The following TM2D1 variants were observed in gnomAD, a reference collection of about 807,000 sequenced individuals.
TM2D1 encodes TM2 domain containing 1, also known as TM2 domain-containing protein 1.
TM2D1 carries 15 observed loss-of-function variants against 28.4 expected under a neutral mutation model. The ratio of observed to expected loss-of-function variants is 0.53; its 90% confidence interval spans 0.35 to 0.81. TM2D1 has a LOEUF of 0.81. Among genes scored for constraint, TM2D1 ranks in the 40% least tolerant of loss-of-function variants. The pLI, the probability that TM2D1 is intolerant of heterozygous loss-of-function variation, is 0.01. For synonymous variants in TM2D1, 93 were observed against 96.2 expected (o/e 0.97, Z 0.20); for missense variants, 236 against 254.9 (o/e 0.93, Z 0.50).
At chr1:61,705,097 TGGGAA>T (rs1270601294) in intron 3 of TM2D1, among the ~76,000 whole-genome samples, 1 of 152,176 alleles carries the variant, frequency 6.6e-6, no homozygotes, top group African/African-American at 2.4e-5. Context: ...AAAGCTTGGC[TGGGAA>T]GGGAAATGAA....
At position 61,710,497 on chromosome 1, in the gene TM2D1, CACACAT is replaced by C. The variant is rs1250480191; in HGVS notation, c.239-1066_239-1061del. 3.4e-3 allele frequency among the ~76,000 whole-genome samples: 259 copies of C among 75,138 alleles called. 1 individual carries two copies. Among genetic ancestry groups the C allele is most frequent in the East Asian group, 0.018 (50 of 2,730 alleles). 49.3% of individuals were successfully genotyped at this position (75,138 alleles called of 152,430 possible). On this transcript the variant is annotated intron_variant, in intron 2 of 6. Coordinates refer to ENST00000606498, the MANE Select transcript of TM2D1 (RefSeq NM_032027.3). Reference sequence around the variant, plus strand: ...ATATACACACACACACACACATATACACACATACACACACACACACACACACACACA... The same window carrying C: ...ATATACACACACACACACACATATACACACACACACACACACACACACACA...
At chr1:61,722,690 T>A (rs72674608) in intron 2 of TM2D1, among the ~76,000 whole-genome samples, 27,026 of 152,234 alleles carry the variant, frequency 0.18, 3,012 homozygotes, top group Non-Finnish European at 0.25. Flanking sequence ...TTGTAAGTAA[T>A]CCTTTCCTTT....
chr1:61,697,453 C>T (rs1296482542), intron 4 of TM2D1: 2 of 152,140 alleles, frequency 1.3e-5, no homozygotes, highest in Non-Finnish European at 2.9e-5. Context: ...GATCCTCCTG[C>T]CTTGGCCTCC....
intron 3 of TM2D1, among the ~76,000 whole-genome samples, chr1:61,701,937 T>C (rs1158973031): frequency 1.3e-5 from 2 of 152,136 alleles, no homozygotes; most frequent in Non-Finnish European, 2.9e-5. Flanking sequence ...ACGCCTGTAA[T>C]CCTAGCACTT....
intron 2 of TM2D1, among the ~76,000 whole-genome samples, chr1:61,712,389 T>C (rs56902597): frequency 0.019 from 2,929 of 152,304 alleles, 112 homozygotes; most frequent in African/African-American, 0.064. Context: ...ATTTAAATGG[T>C]TGGAAAAAAT....
chr1:61,702,900 G>A (rs906993251), intron 3 of TM2D1, among the ~76,000 whole-genome samples: 6 of 151,356 alleles, frequency 4.0e-5, no homozygotes, highest in African/African-American at 1.5e-4. Flanking sequence ...GAGGCCAGGA[G>A]TTTGAGACCA....
intron 4 of TM2D1, among the ~76,000 whole-genome samples, chr1:61,696,514 G>A (rs1570103764): frequency 6.7e-6 from 1 of 149,558 alleles, no homozygotes; most frequent in South Asian, 2.1e-4. Flanking sequence ...ACTCCAGCCG[G>A]GGCAACAAAG....
chr1:61,723,653 T>G lies in TM2D1; in HGVS notation c.238+60A>C, dbSNP rs1469144627. 3.4e-6 allele frequency: 3 copies of G among 889,360 alleles called. No individual in the cohort carries two copies. The East Asian group carries it at 8.2e-5, about 24-fold the overall frequency. 55.1% of individuals were successfully genotyped at this position (889,360 alleles called of 1,614,324 possible). ...ATTAATTGCCTTTAGTGATCATACA[T>G]TGACCTATGAAATAATGTTTTTAAA... On this transcript the variant is annotated intron_variant, in intron 2 of 6. Transcript: ENST00000606498.
At chr1:61,713,917 C>G (rs1046251913) in intron 2 of TM2D1, among the ~76,000 whole-genome samples, 2 of 120,040 alleles carry the variant, frequency 1.7e-5, no homozygotes, top group African/African-American at 3.2e-5. Context: ...GAGACGGAGT[C>G]TCGCTCTGTC....
intron 5 of TM2D1, among the ~76,000 whole-genome samples, chr1:61,685,002 T>G (rs1644273291): frequency 6.6e-6 from 1 of 152,222 alleles, no homozygotes; most frequent in South Asian, 2.1e-4. Flanking sequence ...CAGGCTGGTC[T>G]CAAACTCCTA....
intron 3 of TM2D1, among the ~76,000 whole-genome samples, chr1:61,704,938 C>T (rs543723101): frequency 6.6e-6 from 1 of 152,102 alleles, no homozygotes; most frequent in South Asian, 2.1e-4. Flanking sequence ...AGGGAATAGC[C>T]AAATGCTGCA....
intron 1 of TM2D1, 132 bp downstream of exon 1, chr1:61,724,825 C>T: frequency 2.0e-6 from 2 of 1,020,696 alleles, no homozygotes; most frequent in Non-Finnish European, 2.7e-6. Flanking sequence ...AGGGATCCTT[C>T]AGTCATTAGA....
intron 2 of TM2D1, among the ~76,000 whole-genome samples, chr1:61,719,411 G>C (rs1363132306): frequency 3.6e-5 from 5 of 137,248 alleles, no homozygotes; most frequent in Non-Finnish European, 6.0e-5. Context: ...TATATACACA[G>C]AGAGAGAGAG....
rs183595309 is a variant in TM2D1, at chr1:61,715,326, T to A, written c.239-5889A>T. Among the ~76,000 whole-genome samples, 804 of 152,174 alleles carry A rather than the reference T, an allele frequency of 5.3e-3. 5 individuals carry two copies. Among genetic ancestry groups the A allele is most frequent in the Non-Finnish European group, 7.1e-3 (484 of 67,992 alleles). On this transcript the variant is annotated intron_variant, in intron 2 of 6. Coordinates refer to ENST00000606498, the MANE Select transcript of TM2D1 (RefSeq NM_032027.3). ...AAACCTCTCTGAATCGTGTTTCCAA[T>A]CTGTGACATGGGACATATCTTTTAT...
chr1:61,705,864 T>C (rs1447161124), intron 3 of TM2D1, among the ~76,000 whole-genome samples: 1 of 152,156 alleles, frequency 6.6e-6, no homozygotes, highest in African/African-American at 2.4e-5. Context: ...CAATCAGACA[T>C]GGTTACCAGA....
rs1570107490 is a variant in TM2D1 at position 61,699,865 on chromosome 1, T to C, written c.439+1069A>G. 1.3e-5 allele frequency: 3 copies of C among 230,088 alleles called. No individual in the cohort carries two copies. In the East Asian group the frequency reaches 2.7e-4, roughly 21 times the overall value. 14.3% of individuals were successfully genotyped at this position (230,088 alleles called of 1,614,324 possible). A position where few individuals can be genotyped will look rare whatever the true frequency, so the allele number is the denominator to read the frequency against. On this transcript the variant is annotated intron_variant, in intron 4 of 6. Coordinates refer to ENST00000606498, the MANE Select transcript of TM2D1 (RefSeq NM_032027.3). ...CTAAACAAGTATATATAGTACTTCA[T>C]GACTTTTACTTAGGAACTTACAACA...
intron 3 of TM2D1, among the ~76,000 whole-genome samples, chr1:61,706,163 T>G (rs535349490): frequency 5.9e-5 from 9 of 152,252 alleles, no homozygotes; most frequent in African/African-American, 1.9e-4. Flanking sequence ...AAATTACCCA[T>G]CAGTCTAACT....
chr1:61,709,195 G>T lies in TM2D1; in HGVS notation c.347+134C>A, dbSNP rs1644460421. 4.9e-6 allele frequency: 3 copies of T among 610,954 alleles called. No individual in the cohort carries two copies. In the Admixed American group the frequency reaches 9.5e-5, roughly 19 times the overall value. The allele number at this position is 610,954 out of a possible 1,614,324, so 37.8% of individuals were successfully genotyped here. On this transcript the variant is annotated intron_variant, in intron 3 of 6. Coordinates refer to ENST00000606498, the MANE Select transcript of TM2D1 (RefSeq NM_032027.3). Reference sequence around the variant, plus strand: ...CCAAAAAACAAACACTTAAAATAAAGGTTTTCTGACACAAGCAAAAAGATA... The same window carrying T: ...CCAAAAAACAAACACTTAAAATAAATGTTTTCTGACACAAGCAAAAAGATA...
At chr1:61,715,190 CA>C (rs1342593515) in intron 2 of TM2D1, among the ~76,000 whole-genome samples, 1 of 152,072 alleles carries the variant, frequency 6.6e-6, no homozygotes, top group Non-Finnish European at 1.5e-5. Flanking sequence ...GAGAGAAACT[CA>C]GAATGATTTA....
Sources: allele counts gnomAD v4.1 joint callset (sites outside exome capture counted in the v4.1 genomes callset), GRCh38; gene constraint gnomAD v4.1.1; transcripts MANE v1.5; gene names NCBI Gene and HGNC (gene_info 2026-07-23, HGNC 2026-07-21).